The following IRF9 variants were observed in gnomAD, a reference collection of about 807,000 sequenced individuals.
IRF9 encodes IFN-alpha-responsive transcription factor subunit.
In IRF9, 13 loss-of-function variants were observed where a neutral mutation model predicts 44.1. The observed-to-expected ratio is 0.29, with a 90% CI of 0.19 to 0.47. IRF9 has a LOEUF of 0.47. Among genes scored for constraint, IRF9 ranks in the 20% least tolerant of loss-of-function variants. The pLI, the probability that IRF9 is intolerant of heterozygous loss-of-function variation, is 1.00. For synonymous variants in IRF9, 189 were observed against 188.5 expected (o/e 1.00, Z -0.02); for missense variants, 373 against 496.1 (o/e 0.75, Z 2.36).
rs746378882 is a variant in IRF9 at position 24,163,922 on chromosome 14, GAGCAGCAGC to G, written c.553_561del (p.Ser185_Ser187del). On this transcript the variant is annotated inframe_deletion, in exon 5 of 9. Transcript: ENST00000396864. ...GGGGAGCAGTCCATTCAGACATTGG[GAGCAGCAGC>G]AGCAGCAGCAGCCCTGAGCCACAGG... 2.5e-6 allele frequency: 4 copies of G among 1,604,396 alleles called. No individual in the cohort carries two copies. The highest frequency in any genetic ancestry group is 1.8e-5 in the Admixed American group (1 of 56,226).
Position 24,166,462 on chromosome 14 carries a change from G to C in IRF9, c.*266G>C. The stretch of plus-strand genomic sequence containing the variant: ...ATTCCAAATGGTGTGAACCCAGGGG[G>C]CCTTTCCCTCTTCCCTGACCTCCCA... On this transcript the variant is annotated 3_prime_UTR_variant, in exon 9 of 9. Coordinates refer to ENST00000396864, the MANE Select transcript of IRF9 (RefSeq NM_006084.5). 1.9e-6 allele frequency: 1 copy of C among 522,920 alleles called. No individual in the cohort carries two copies. The highest frequency in any genetic ancestry group is 3.4e-6 in the Non-Finnish European group (1 of 297,466). The allele number at this position is 522,920 out of a possible 1,614,324, so 32.4% of individuals were successfully genotyped here.
rs1594388975 is a variant in IRF9, at chr14:24,162,854, C to A, written c.181-112C>A. The A allele has an allele frequency of 2.5e-5, 20 of 812,064 alleles. No individual in the cohort carries two copies. In the East Asian group the frequency reaches 5.2e-4, roughly 21 times the overall value. 50.3% of individuals were successfully genotyped at this position (812,064 alleles called of 1,614,324 possible). On this transcript the variant is annotated intron_variant, in intron 2 of 8. Coordinates refer to ENST00000396864, the MANE Select transcript of IRF9 (RefSeq NM_006084.5). ...CAAGATGGCAACGCAGAGCACAGAC[C>A]CTGCATAATCCCTTCTGAGCTCAGA...
Position 24,164,585 on chromosome 14 carries a change from A to G in IRF9, c.650-29A>G, listed in dbSNP as rs772540856. The G allele has an allele frequency of 3.3e-5, 51 of 1,545,064 alleles. No individual in the cohort carries two copies. Among genetic ancestry groups the G allele is most frequent in the Non-Finnish European group, 4.2e-5 (48 of 1,138,890 alleles). ...CTGCTGCCAGCCTGCATGCTCCTCC[A>G]GCACCAGGTAGGGCTGTTCTATCCC... On this transcript the variant is annotated intron_variant, in intron 6 of 8. Transcript: ENST00000396864. The surrounding 1 kb of genome is among the most constrained non-coding windows in gnomAD (Gnocchi z 5.2).
At position 24,163,380 on chromosome 14, in the gene IRF9, C is replaced by G; in HGVS notation, c.367C>G (p.Gln123Glu). 1 of 1,613,548 alleles carries G rather than the reference C, an allele frequency of 6.2e-7. No individual in the cohort carries two copies. Among genetic ancestry groups the G allele is most frequent in the Non-Finnish European group, 8.5e-7 (1 of 1,179,626 alleles). ...QLLPPGIVSG[Q>E]PGTQKVPSKR... Reference sequence around the variant, plus strand: ...TCTGTCCCTCAACAATTCCACAGGCCAGCCAGGGACTCAGAAAGTACCATC... The same window carrying G: ...TCTGTCCCTCAACAATTCCACAGGCGAGCCAGGGACTCAGAAAGTACCATC... Residue 123 changes from glutamine (Q) to glutamate (E), a missense_variant and splice_region_variant, in exon 4 of 9, where the codon CAG (glutamine) becomes GAG (glutamate). This residue lies in a region of IRF9 where 227 missense variants were observed against 255.3 expected (regional missense o/e 0.89). Transcript: ENST00000396864.
intron 8 of IRF9, 65 bp from the exon 9 acceptor site, chr14:24,166,057 C>T: frequency 1.3e-6 from 2 of 1,582,674 alleles, no homozygotes; most frequent in Non-Finnish European, 1.7e-6. Flanking sequence ...GGAAGGAGCT[C>T]CTGGGGGTGG....
intron 7 of IRF9, chr14:24,165,405 C>T: frequency 1.7e-6 from 1 of 594,986 alleles, no homozygotes; most frequent in Non-Finnish European, 3.0e-6. Flanking sequence ...GCGCTTCTCT[C>T]CCATCCAATT....
intron 3 of IRF9, 41 bp downstream of exon 3, chr14:24,163,190 C>T: frequency 6.2e-7 from 1 of 1,604,064 alleles, no homozygotes; most frequent in African/African-American, 1.3e-5. Flanking sequence ...ACTCAGCAGA[C>T]TGGGGAGGAA....
At chr14:24,163,986 G>C in intron 5 of IRF9, 27 bp downstream of exon 5, 1 of 1,608,660 alleles carries the variant, frequency 6.2e-7, no homozygotes, top group Non-Finnish European at 8.5e-7. Flanking sequence ...CTCTTGTGTC[G>C]TCCCCCATGC....
Position 24,163,097 on chromosome 14 carries a change from T to C in IRF9, c.312T>C (p.Asp104=). The C allele has an allele frequency of 3.1e-6, 5 of 1,614,210 alleles. No homozygotes were observed. Among genetic ancestry groups the C allele is most frequent in the Non-Finnish European group, 4.2e-6 (5 of 1,180,040 alleles). ...FKEVPERGRM[D]VAEPYKVYQL... ...AGGTTCCTGAGAGGGGCCGCATGGA[T>C]GTTGCTGAGCCCTACAAGGTGTATC... Residue 104 remains aspartate (D), a synonymous_variant, in exon 3 of 9, where the codon GAT becomes GAC. Transcript: ENST00000396864.
intron 2 of IRF9, 103 bp from the exon 3 acceptor site, chr14:24,162,863 T>A: frequency 1.2e-6 from 1 of 842,764 alleles, no homozygotes; most frequent in Non-Finnish European, 1.9e-6. Flanking sequence ...CCCTGCATAA[T>A]CCCTTCTGAG....
intron 2 of IRF9, 150 bp from the exon 3 acceptor site, chr14:24,162,816 T>G: frequency 3.5e-6 from 2 of 572,020 alleles, no homozygotes; most frequent in Non-Finnish European, 5.9e-6. Context: ...AAAAAAAAAA[T>G]TTCCAAGGAT....
intron 2 of IRF9, chr14:24,162,745 G>A (rs915329948): frequency 3.8e-6 from 2 of 524,134 alleles, no homozygotes; most frequent in Non-Finnish European, 6.8e-6. Flanking sequence ...GTTGTAGTGA[G>A]TCGAGATCGC....
In IRF9 at chr14:24,166,292, A is replaced by G. The variant is rs976420469; in HGVS notation, c.*96A>G. On this transcript the variant is annotated 3_prime_UTR_variant, in exon 9 of 9. Coordinates refer to ENST00000396864, the MANE Select transcript of IRF9 (RefSeq NM_006084.5). ...ACACGATTGACCTGTCCTCTTTGTGATAATTCTCAGTAGTTGTCCGTGATA... is the reference window on the plus strand; with the variant it reads ...ACACGATTGACCTGTCCTCTTTGTGGTAATTCTCAGTAGTTGTCCGTGATA... 4.6e-6 allele frequency: 5 copies of G among 1,092,450 alleles called. No individual in the cohort carries two copies. The highest frequency in any genetic ancestry group is 2.6e-5 in the South Asian group (2 of 76,456). 67.7% of individuals were successfully genotyped at this position (1,092,450 alleles called of 1,614,324 possible). A position where few individuals can be genotyped will look rare whatever the true frequency, so the allele number is the denominator to read the frequency against.
chr14:24,162,974 A>G lies in IRF9; in HGVS notation c.189A>G (p.Ala63=), dbSNP rs139659632. ...DQDAAFFKAW[A]IFKGKYKEGD... is the part of the protein sequence containing the mutation. ...CTTGCTTTCTTTCCTAGGCCTGGGC[A>G]ATATTTAAGGGAAAGTATAAGGAGG... is the stretch of plus-strand genomic sequence containing the variant. Residue 63 remains alanine (A), a synonymous_variant, in exon 3 of 9, where the codon GCA becomes GCG. Transcript: ENST00000396864. 6.2e-6 allele frequency: 10 copies of G among 1,613,590 alleles called. No homozygotes were observed. In the African/African-American group the frequency reaches 1.2e-4, roughly 19 times the overall value.
At position 24,163,491 on chromosome 14, in the gene IRF9, C is replaced by T. The variant is rs1283644006; in HGVS notation, c.478C>T (p.Gln160Ter). ...CTGCACACTCAGTCCCTCTGTGCTCCAGGACTCCCTCAATAATGTAAGAGA... is the reference window on the plus strand; with the variant it reads ...CTGCACACTCAGTCCCTCTGTGCTCTAGGACTCCCTCAATAATGTAAGAGA... The part of the protein sequence containing the change: ...QNCTLSPSVL[Q>*]DSLNNEEEGA... Residue 160 changes from glutamine to a stop codon, truncating the protein, a stop_gained, in exon 4 of 9, where the codon CAG becomes TAG. Coordinates refer to ENST00000396864, the MANE Select transcript of IRF9 (RefSeq NM_006084.5). LOFTEE classifies it high-confidence loss of function. 4 of 1,614,012 alleles carry T rather than the reference C, an allele frequency of 2.5e-6. No individual in the cohort carries two copies. The African/African-American group carries it at 5.3e-5, about 22-fold the overall frequency.
chr14:24,163,762 G>T, intron 4 of IRF9, 116 bp from the exon 5 acceptor site: 1 of 1,091,272 alleles, frequency 9.2e-7, no homozygotes, highest in Non-Finnish European at 1.3e-6. Flanking sequence ...CGCTTGAACC[G>T]GGGGGCGGAG....
rs1413722270 is a variant in IRF9, at chr14:24,164,125, C to T, written c.640C>T (p.Pro214Ser). The change falls in exon 6 of 9, where the codon CCA becomes TCA. Residue 214 changes from proline (P) to serine (S), a missense_variant. Coordinates refer to ENST00000396864, the MANE Select transcript of IRF9 (RefSeq NM_006084.5). This position sits in a 1 kb window ranked among gnomAD's most constrained non-coding sequence, Gnocchi z 5.2. Reference protein sequence around the residue: ...DQRSLEFLLPPEPDYSLLLTF... With the variant: ...DQRSLEFLLPSEPDYSLLLTF... ...GAGGTCCCTGGAGTTTCTGCTTCCT[C>T]CAGAGCCAGGTACGTGGCATTTCTG... 49 of 1,613,946 alleles carry T rather than the reference C, an allele frequency of 3.0e-5. No homozygotes were observed. The highest frequency in any genetic ancestry group is 4.1e-5 in the Non-Finnish European group (48 of 1,179,956).
intron 1 of IRF9, among the ~76,000 whole-genome samples, chr14:24,161,762 A>G (rs770720651): frequency 1.2e-4 from 18 of 152,048 alleles, no homozygotes; most frequent in Non-Finnish European, 2.4e-4. Flanking sequence ...AGCAGAACCT[A>G]CCTCTGCTGA....
chr14:24,162,121 A>G (rs767919957), intron 1 of IRF9, 23 bp from the exon 2 acceptor site: 3 of 1,610,412 alleles, frequency 1.9e-6, no homozygotes, highest in African/African-American at 2.7e-5. Context: ...GTTCTGATGC[A>G]TCCTGCTCCT....
Sources: gnomAD v4.1 joint callset for allele counts (sites outside exome capture counted in the v4.1 genomes callset) on GRCh38, gnomAD v4.1.1 for gene constraint, gnomAD v4.1.1 regional missense constraint, Gnocchi (gnomAD v3.1) non-coding constraint, MANE v1.5 for transcripts, NCBI Gene and HGNC (gene_info 2026-07-23, HGNC 2026-07-21) for gene names.